HTR4: variants seen among roughly 807,000 people sequenced by gnomAD.
HTR4 encodes 5-hydroxytryptamine receptor 4, also known as 5-hydroxytryptamine (serotonin) receptor 4, G protein-coupled.
A neutral mutation model predicts 36.8 loss-of-function variants in HTR4; 16 were observed. That is an observed-to-expected ratio of 0.43 (90% CI 0.29 to 0.66). The LOEUF (loss-of-function observed/expected upper bound fraction) is 0.66, where lower values mean the gene tolerates loss of function less well. HTR4 is among the 30% of genes least tolerant of loss of function. The probability of loss-of-function intolerance (pLI) is 0.13; values close to 1 mark genes in which losing one functional copy is unlikely to be tolerated. For synonymous variants in HTR4, 189 were observed against 185.1 expected (o/e 1.02, Z -0.17); for missense variants, 438 against 490.9 (o/e 0.89, Z 1.02).
At chr5:148,630,212 A>C (rs1753274064) in intron 2 of HTR4, 1 of 152,188 alleles carries the variant, frequency 6.6e-6, no homozygotes, top group Admixed American at 6.5e-5. Context: ...CTGCCTGGAC[A>C]CTGACAAATA....
At chr5:148,638,678 C>CATTT (rs1163931690) in intron 1 of HTR4, among the ~76,000 whole-genome samples, 1 of 152,138 alleles carries the variant, frequency 6.6e-6, no homozygotes, top group Non-Finnish European at 1.5e-5. Context: ...AATGGCCCAC[C>CATTT]ATTTACCCAG....
chr5:148,490,017 T>C (rs1005579208), intron 6 of HTR4, among the ~76,000 whole-genome samples: 1 of 152,070 alleles, frequency 6.6e-6, no homozygotes. Flanking sequence ...AGAAAATAAT[T>C]TATAATTTGC....
At chr5:148,490,549 TCA>T (rs1169824926) in intron 6 of HTR4, 1 of 1,121,348 alleles carries the variant, frequency 8.9e-7, no homozygotes, top group Non-Finnish European at 1.1e-6. Context: ...ATTTTGTAAC[TCA>T]CAGAATCACA....
rs188643408 is a variant in HTR4, at chr5:148,527,660, G to A, written c.354-4314C>T. On this transcript the variant is annotated intron_variant, in intron 4 of 6. Transcript: ENST00000377888. ...GAAACAGAATCCTGTTCTGTTGCCC[G>A]GGCTGAGGTGCTTATGTGATCTTGG... Among the ~76,000 whole-genome samples, 125 of 148,802 alleles carry A rather than the reference G, an allele frequency of 8.4e-4. 1 individual carries two copies. Among genetic ancestry groups the A allele is most frequent in the African/African-American group, 2.8e-3 (114 of 40,698 alleles).
chr5:148,461,454 A>G (rs1755276104), intron 5 of HTR4, among the ~76,000 whole-genome samples: 1 of 151,998 alleles, frequency 6.6e-6, no homozygotes, highest in Non-Finnish European at 1.5e-5. Flanking sequence ...ATCAAAAGAA[A>G]ATGAGAGCAG....
downstream of HTR4, among the ~76,000 whole-genome samples, chr5:148,477,321 A>G (rs188124511): frequency 1.4e-4 from 22 of 152,324 alleles, no homozygotes; most frequent in Admixed American, 5.9e-4. Flanking sequence ...GCTATTTGGA[A>G]CTAGCTAAAT....
At chr5:148,484,734 G>A (rs1756069608) in intron 6 of HTR4, among the ~76,000 whole-genome samples, 1 of 152,136 alleles carries the variant, frequency 6.6e-6, no homozygotes, top group Non-Finnish European at 1.5e-5. Flanking sequence ...CCTAAATAAT[G>A]AAATCTAACT....
intron 2 of HTR4, among the ~76,000 whole-genome samples, chr5:148,584,938 T>C (rs1202451286): frequency 1.3e-5 from 2 of 152,202 alleles, no homozygotes; most frequent in Non-Finnish European, 2.9e-5. Context: ...TATCACTGGC[T>C]GGCTGCACCA....
chr5:148,642,560 C>T (rs374090800), intron 1 of HTR4, among the ~76,000 whole-genome samples: 29 of 152,132 alleles, frequency 1.9e-4, no homozygotes, highest in South Asian at 6.2e-4. Context: ...ACCTACTACC[C>T]GCCATATGCA....
chr5:148,484,162 C>A, intron 6 of HTR4: 1 of 1,312,698 alleles, frequency 7.6e-7, no homozygotes, highest in Non-Finnish European at 1.0e-6. Flanking sequence ...ATCAAATAAT[C>A]TACAATGGTA....
chr5:148,561,739 A>C (rs1760222759), intron 2 of HTR4, among the ~76,000 whole-genome samples: 1 of 152,134 alleles, frequency 6.6e-6, no homozygotes, highest in Non-Finnish European at 1.5e-5. Context: ...TCATTTCCTC[A>C]AAATTATTCC....
chr5:148,485,399 T>C (rs896157272), intron 6 of HTR4, among the ~76,000 whole-genome samples: 3 of 152,198 alleles, frequency 2.0e-5, no homozygotes, highest in Non-Finnish European at 4.4e-5. Context: ...CATTCATCAT[T>C]TTGACAACTA....
intron 4 of HTR4, among the ~76,000 whole-genome samples, chr5:148,539,620 G>T (rs762629039): frequency 6.6e-6 from 1 of 152,020 alleles, no homozygotes; most frequent in Non-Finnish European, 1.5e-5. Flanking sequence ...ATATAAAAAA[G>T]AGCTCAATAT....
intron 2 of HTR4, among the ~76,000 whole-genome samples, chr5:148,610,802 C>T (rs1458870419): frequency 2.7e-4 from 39 of 142,116 alleles, no homozygotes; most frequent in African/African-American, 1.0e-3. Flanking sequence ...GAATGTATAA[C>T]TAGAATAACC....
intron 2 of HTR4, among the ~76,000 whole-genome samples, chr5:148,608,417 T>C (rs1460443357): frequency 6.6e-6 from 1 of 152,122 alleles, no homozygotes; most frequent in African/African-American, 2.4e-5. Context: ...GATTGTGCCA[T>C]AACTAGCCAA....
At chr5:148,574,547 GATAA>G (rs1382200877) in intron 2 of HTR4, among the ~76,000 whole-genome samples, 1 of 152,048 alleles carries the variant, frequency 6.6e-6, no homozygotes, top group African/African-American at 2.4e-5. Context: ...GATATTTTCA[GATAA>G]ATAAATTCAG....
At chr5:148,538,781 T>G (rs1758957808) in intron 4 of HTR4, among the ~76,000 whole-genome samples, 2 of 152,160 alleles carry the variant, frequency 1.3e-5, no homozygotes, top group South Asian at 4.1e-4. Flanking sequence ...ATGAATATTG[T>G]TAAAATGGAT....
At chr5:148,581,048 T>C (rs913018366) in intron 2 of HTR4, among the ~76,000 whole-genome samples, 2 of 151,912 alleles carry the variant, frequency 1.3e-5, no homozygotes, top group Admixed American at 6.6e-5. Flanking sequence ...ATAGCCATCC[T>C]ATCAGGTGTG....
intron 4 of HTR4, among the ~76,000 whole-genome samples, chr5:148,524,486 C>T (rs1329854404): frequency 6.6e-6 from 1 of 152,188 alleles, no homozygotes; most frequent in Non-Finnish European, 1.5e-5. Flanking sequence ...ATGATACTAA[C>T]TTTCTTCCTG....
Sources: allele counts gnomAD v4.1 joint callset (sites outside exome capture counted in the v4.1 genomes callset), GRCh38; gene constraint gnomAD v4.1.1; transcripts MANE v1.5; gene names NCBI Gene and HGNC (gene_info 2026-07-23, HGNC 2026-07-21).